PDIA6: variants seen among roughly 807,000 people sequenced by gnomAD.
PDIA6 encodes protein disulfide isomerase family A member 6, also known as protein disulfide-isomerase A6.
Under a neutral mutation model 58.4 loss-of-function variants are expected in PDIA6, and 29 were observed. The ratio of observed to expected loss-of-function variants is 0.50; its 90% CI spans 0.37 to 0.68. The LOEUF (loss-of-function observed/expected upper bound fraction) is 0.68. Among genes scored for constraint, PDIA6 ranks in the 30% least tolerant of loss-of-function variants. The pLI is 0.00. For synonymous variants in PDIA6, 192 were observed against 202.6 expected (o/e 0.95, Z 0.44); for missense variants, 480 against 551.0 (o/e 0.87, Z 1.29).
intron 1 of PDIA6, among the ~76,000 whole-genome samples, chr2:10,824,320 G>A (rs1223143254): frequency 9.2e-5 from 14 of 152,330 alleles, no homozygotes; most frequent in African/African-American, 2.6e-4. Context: ...CTTACATTCC[G>A]TGATTACATG....
chr2:10,819,436 C>T (rs1250453400), intron 1 of PDIA6: 17 of 821,522 alleles, frequency 2.1e-5, no homozygotes, highest in African/African-American at 3.4e-5. Context: ...CCAGGCTCCA[C>T]GTATTTACAT....
At chr2:10,812,615 G>A (rs1667052326) in intron 1 of PDIA6, 63 bp downstream of exon 1, 4 of 1,468,360 alleles carry the variant, frequency 2.7e-6, no homozygotes, top group South Asian at 2.5e-5. Flanking sequence ...GAACGGCCTA[G>A]AGATTCGAAA....
chr2:10,812,420 C>G (rs1209347871), intron 1 of PDIA6, among the ~76,000 whole-genome samples: 7 of 151,972 alleles, frequency 4.6e-5, no homozygotes. Flanking sequence ...CTGGACCCCG[C>G]GCCCGGCTCC....
chr2:10,797,912 C>T (rs938863329), intron 2 of PDIA6, among the ~76,000 whole-genome samples, 155 bp from the exon 3 acceptor site: 2 of 152,168 alleles, frequency 1.3e-5, no homozygotes, highest in African/African-American at 2.4e-5. Flanking sequence ...AGGCCGGGCA[C>T]GGTGTCTCAC....
chr2:10,794,372 G>A (rs1666170300), intron 4 of PDIA6, among the ~76,000 whole-genome samples: 1 of 151,034 alleles, frequency 6.6e-6, no homozygotes, highest in Non-Finnish European at 1.5e-5. Context: ...CCTGAACCCA[G>A]GAGACGGAGG....
At chr2:10,831,879 C>T (rs968831751) in intron 1 of PDIA6, among the ~76,000 whole-genome samples, 1 of 151,958 alleles carries the variant, frequency 6.6e-6, no homozygotes, top group Non-Finnish European at 1.5e-5. Context: ...TCTCCTTCCT[C>T]TCCCCTCAAA....
At chr2:10,828,617 G>A (rs1007097465) in intron 1 of PDIA6, among the ~76,000 whole-genome samples, 6 of 152,246 alleles carry the variant, frequency 3.9e-5, no homozygotes, top group South Asian at 2.1e-4. Context: ...GCTAGCCTGT[G>A]CGGGGCAGGC....
chr2:10,786,061 A>G (rs1558436691), intron 11 of PDIA6, among the ~76,000 whole-genome samples: 1 of 151,902 alleles, frequency 6.6e-6, no homozygotes. Flanking sequence ...GGTGGCTCAC[A>G]CCTGTAATCC....
Position 10,789,866 on chromosome 2 carries a change from C to T in PDIA6, c.723G>A (p.Lys241=). ...CAGGAGACTCGCCTTTCTGAAATAT[C>T]TTGATTGTAGGAAATCCTCTAATCT... The part of the protein sequence containing the change: ...RYGIRGFPTI[K]IFQKGESPVD... The change falls in exon 8 of 13, where the codon AAG becomes AAA. Residue 241 remains lysine, a synonymous_variant. Transcript: ENST00000272227. 1.9e-6 allele frequency: 3 copies of T among 1,613,524 alleles called. No individual in the cohort carries two copies. The highest frequency in any genetic ancestry group is 2.5e-6 in the Non-Finnish European group (3 of 1,179,650).
chr2:10,810,267 C>A (rs769887759), intron 1 of PDIA6: 102 of 1,528,940 alleles, frequency 6.7e-5, no homozygotes, highest in Non-Finnish European at 8.9e-5. Flanking sequence ...TTAGATAGAC[C>A]CAAATTTCTA....
chr2:10,816,855 G>A (rs1328332235), upstream of PDIA6, among the ~76,000 whole-genome samples: 2 of 152,126 alleles, frequency 1.3e-5, no homozygotes, highest in Non-Finnish European at 1.5e-5. Context: ...ATGGGCAAGG[G>A]AGAGATGTCA....
intron 1 of PDIA6, among the ~76,000 whole-genome samples, chr2:10,832,016 CAAAAAA>C (rs59417410): frequency 2.0e-4 from 16 of 81,364 alleles, no homozygotes; most frequent in Admixed American, 6.7e-4. Context: ...GACCCTGTCT[CAAAAAA>C]AAAAAAAAAA....
chr2:10,796,909 T>A (rs1230929812), intron 4 of PDIA6, among the ~76,000 whole-genome samples, 172 bp downstream of exon 4: 1 of 152,348 alleles, frequency 6.6e-6, no homozygotes, highest in East Asian at 1.9e-4. Context: ...GTGTGACACA[T>A]ATTTCATCTT....
intron 5 of PDIA6, among the ~76,000 whole-genome samples, chr2:10,792,865 G>A (rs1558442201): frequency 6.6e-6 from 1 of 152,212 alleles, no homozygotes; most frequent in African/African-American, 2.4e-5. Flanking sequence ...GACTGCAGGT[G>A]TGGCAAGAGG....
At chr2:10,826,086 C>T (rs938090691) in intron 1 of PDIA6, among the ~76,000 whole-genome samples, 8 of 152,184 alleles carry the variant, frequency 5.3e-5, no homozygotes, top group East Asian at 1.9e-4. Flanking sequence ...CATCACCTGA[C>T]GAATGGATGA....
chr2:10,824,628 G>C (rs1667499293), intron 1 of PDIA6, among the ~76,000 whole-genome samples: 2 of 152,238 alleles, frequency 1.3e-5, no homozygotes, highest in South Asian at 4.1e-4. Context: ...ATGGATCCCT[G>C]TTGTCCCTGG....
intron 1 of PDIA6, among the ~76,000 whole-genome samples, chr2:10,803,911 GT>G (rs754643092): frequency 7.9e-4 from 93 of 117,890 alleles, no homozygotes; most frequent in Middle Eastern, 5.4e-3. Flanking sequence ...TAGTTTTTGT[GT>G]TTTTTTTTTT....
At chr2:10,834,732 C>CTCCCTCCTTCCT (rs1217424185), upstream of PDIA6, among the ~76,000 whole-genome samples, 24 of 36,444 alleles carry the variant, frequency 6.6e-4, no homozygotes, top group African/African-American at 2.3e-3. Context: ...CCTTCCTTCC[C>CTCCCTCCTTCCT]TCCTTCCTTC....
chr2:10,832,428 A>G lies in PDIA6; in HGVS notation c.-274T>C, dbSNP rs1459677900. 3.0e-6 allele frequency: 3 copies of G among 985,304 alleles called. No individual in the cohort carries two copies. The African/African-American group carries it at 5.2e-5, about 17-fold the overall frequency. 61.0% of individuals were successfully genotyped at this position (985,304 alleles called of 1,614,324 possible). ...AAACACCACCTGGTGGGATTCTATT[A>G]ATTCCTGTTTGAAGCACGAGGCCAG... On this transcript the variant is annotated 5_prime_UTR_variant, in exon 1 of 14. Coordinates refer to the PDIA6 transcript ENST00000381611.
Sources: gnomAD v4.1 joint callset for allele counts (sites outside exome capture counted in the v4.1 genomes callset) on GRCh38, gnomAD v4.1.1 for gene constraint, MANE v1.5 for transcripts, NCBI Gene and HGNC (gene_info 2026-07-23, HGNC 2026-07-21) for gene names.